The following CD72 variants were observed in gnomAD, a reference collection of about 807,000 sequenced individuals.
CD72 encodes the protein CD72 molecule.
In CD72, 28 loss-of-function variants were observed where a neutral mutation model predicts 50.7. The ratio of observed to expected loss-of-function variants is 0.55; its 90% CI spans 0.41 to 0.76. The LOEUF is 0.76. Ranked by LOEUF, CD72 falls within the 30% of genes least tolerant of loss-of-function variation. The pLI is 0.00. For missense variants in CD72, 403 were observed against 420.6 expected (o/e 0.96, Z 0.37); for synonymous variants, 176 against 171.2 (o/e 1.03, Z -0.22).
At position 35,613,397 on chromosome 9, in the gene CD72, A is replaced by G. The variant is rs141870465; in HGVS notation, c.689-404T>C. The stretch of plus-strand genomic sequence containing the variant: ...CTCTCCAATTTCCTACAAGCAGAAA[A>G]TGTTGTGTACTGTTTTGCAGAAACT... On this transcript the variant is annotated intron_variant, in intron 5 of 8. Coordinates refer to ENST00000259633, the MANE Select transcript of CD72 (RefSeq NM_001782.3). 7.4e-4 allele frequency among the ~76,000 whole-genome samples: 112 copies of G among 152,140 alleles called. 1 individual carries two copies. Among genetic ancestry groups the G allele is most frequent in the African/African-American group, 2.6e-3 (106 of 41,510 alleles).
At chr9:35,610,888 C>G (rs1408255201) in intron 7 of CD72, 135 bp from the exon 8 acceptor site, 1 of 612,672 alleles carries the variant, frequency 1.6e-6, no homozygotes, top group African/African-American at 1.9e-5. Flanking sequence ...TGGTTCAGGA[C>G]AGATGTCTGG....
chr9:35,620,558 T>G (rs939712696), upstream of CD72, among the ~76,000 whole-genome samples: 3 of 151,890 alleles, frequency 2.0e-5, no homozygotes, highest in Admixed American at 6.6e-5. Context: ...CTGGCCGGCA[T>G]GGTGGCTCAC....
At chr9:35,619,759 A>C (rs894124540), upstream of CD72, among the ~76,000 whole-genome samples, 10 of 152,150 alleles carry the variant, frequency 6.6e-5, no homozygotes, top group African/African-American at 2.4e-4. Flanking sequence ...TGCCTGGAGG[A>C]GGAAGCCTTC....
chr9:35,635,897 A>T (rs753842602), intron 1 of CD72, among the ~76,000 whole-genome samples: 55 of 152,300 alleles, frequency 3.6e-4, no homozygotes, highest in Middle Eastern at 6.8e-3. Flanking sequence ...GGAGAACCTC[A>T]CTAGAGTTTC....
chr9:35,644,232 A>G (rs1035085735), intron 1 of CD72, among the ~76,000 whole-genome samples: 2 of 151,006 alleles, frequency 1.3e-5, no homozygotes, highest in African/African-American at 4.9e-5. Context: ...TGTAGTCCCA[A>G]CTACTCTGGA....
At position 35,616,008 on chromosome 9, in the gene CD72, G is replaced by T. The variant is rs1189634401; in HGVS notation, c.623C>A (p.Ala208Asp). The T allele has an allele frequency of 1.2e-6, 2 of 1,613,746 alleles. No individual in the cohort carries two copies. The highest frequency in any genetic ancestry group is 1.7e-5 in the Admixed American group (1 of 59,972). ...TLQSEEQQRR[A>D]LEQKLSNMEN... ...CATGTTGCTCAGCTTCTGCTCCAAGGCCCTCCTCTGTTGCTCCTCACTTTG... is the reference window on the plus strand; with the variant it reads ...CATGTTGCTCAGCTTCTGCTCCAAGTCCCTCCTCTGTTGCTCCTCACTTTG... The change falls in exon 5 of 9, where the codon GCC becomes GAC. Residue 208 changes from alanine to aspartate, a missense_variant. Physicochemically the swap from Ala to Asp is moderately radical, Grantham distance 126. Transcript: ENST00000259633.
intron 1 of CD72, among the ~76,000 whole-genome samples, chr9:35,637,276 G>A (rs1455586670): frequency 6.6e-6 from 1 of 152,222 alleles, no homozygotes; most frequent in Non-Finnish European, 1.5e-5. Context: ...GCACCCAGGT[G>A]AAATAAACAG....
chr9:35,638,424 AC>A (rs1313558757), intron 1 of CD72, among the ~76,000 whole-genome samples: 1 of 151,064 alleles, frequency 6.6e-6, no homozygotes, highest in Non-Finnish European at 1.5e-5. Context: ...CCCTCCTCAC[AC>A]CCAGTCTGGC....
rs1311146481 is a variant in CD72, at chr9:35,612,851, T to A, written c.831A>T (p.Gln277His). ...KLATFSEIYP[Q>H]SHSYYFLNSL... is the part of the protein sequence containing the mutation. ...CTGTGAGTAAGGATATGCTTACTGA[T>A]TGTGGATAAATTTCACTGAATGTGG... Residue 277 changes from glutamine to histidine, a missense_variant, in exon 6 of 9, where the codon CAA becomes CAT. Gln to His is a conservative substitution (Grantham distance 24, BLOSUM62 0). Coordinates refer to ENST00000259633, the MANE Select transcript of CD72 (RefSeq NM_001782.3). The A allele has an allele frequency of 1.2e-6, 2 of 1,614,170 alleles. No homozygotes were observed. Among genetic ancestry groups the A allele is most frequent in the South Asian group, 2.2e-5 (2 of 91,084 alleles).
At chr9:35,636,152 T>C (rs1444119903) in intron 1 of CD72, among the ~76,000 whole-genome samples, 1 of 152,150 alleles carries the variant, frequency 6.6e-6, no homozygotes, top group Non-Finnish European at 1.5e-5. Context: ...CTGAGTTTTG[T>C]AGGTTGTTTA....
rs760203922 is a variant in CD72 at position 35,611,835 on chromosome 9, A to G, written c.919T>C (p.Trp307Arg). 7 of 1,611,614 alleles carry G rather than the reference A, an allele frequency of 4.3e-6. No homozygotes were observed. In the South Asian group the frequency reaches 7.7e-5, roughly 18 times the overall value. The change falls in exon 7 of 9, where the codon TGG (tryptophan) becomes CGG (arginine). Residue 307 changes from tryptophan (W) to arginine (R), a missense_variant. Coordinates refer to ENST00000259633, the MANE Select transcript of CD72 (RefSeq NM_001782.3). ...YWTGLSSNKD[W>R]KLTDDTQRTR... ...CGTTGTGTATCATCAGTCAACTTCCAATCCTTGTTAGAGCTGAGGCCAGTC... is the reference window on the plus strand; with the variant it reads ...CGTTGTGTATCATCAGTCAACTTCCGATCCTTGTTAGAGCTGAGGCCAGTC...
intron 1 of CD72, chr9:35,643,015 T>A (rs1823353115): frequency 6.6e-6 from 1 of 152,272 alleles, no homozygotes; most frequent in African/African-American, 2.4e-5. Context: ...TACTCGCCTC[T>A]GCTGTAAGAC....
chr9:35,626,327 T>G (rs1007661139), intron 1 of CD72, among the ~76,000 whole-genome samples: 1 of 152,180 alleles, frequency 6.6e-6, no homozygotes, highest in South Asian at 2.1e-4. Flanking sequence ...AGTCTGAAGA[T>G]GTGACTGAAT....
rs1384656677 is a variant in CD72 at position 35,616,466 on chromosome 9, G to A, written c.352+134C>T. The A allele has an allele frequency of 1.5e-5, 13 of 887,152 alleles. No individual in the cohort carries two copies. The Admixed American group carries it at 2.6e-4, about 18-fold the overall frequency. 55.0% of individuals were successfully genotyped at this position (887,152 alleles called of 1,614,324 possible). ...GACAATTCAGGAAGACAACAGCCCTGGCTGGAAACCAAACCCAAAGCTAAG... is the reference window on the plus strand; with the variant it reads ...GACAATTCAGGAAGACAACAGCCCTAGCTGGAAACCAAACCCAAAGCTAAG... On this transcript the variant is annotated intron_variant, in intron 4 of 8. Coordinates refer to ENST00000259633, the MANE Select transcript of CD72 (RefSeq NM_001782.3).
intron 1 of CD72, chr9:35,642,733 G>A (rs1364246824): frequency 1.3e-5 from 2 of 152,130 alleles, no homozygotes; most frequent in Admixed American, 1.3e-4. Flanking sequence ...TCCTTAATTA[G>A]TGTATATAAT....
At chr9:35,644,350 C>CA (rs74176726) in intron 1 of CD72, among the ~76,000 whole-genome samples, 17,500 of 68,194 alleles carry the variant, frequency 0.26, 2,969 homozygotes, top group Non-Finnish European at 0.32. Flanking sequence ...AACTCTGTCT[C>CA]AAAAAAAAAA....
chr9:35,621,283 T>G (rs1321957275), upstream of CD72, among the ~76,000 whole-genome samples: 2 of 152,088 alleles, frequency 1.3e-5, no homozygotes, highest in Non-Finnish European at 2.9e-5. Context: ...CCACTACTCA[T>G]TACAGGGAAT....
intron 1 of CD72, among the ~76,000 whole-genome samples, chr9:35,642,343 T>C (rs1265992058): frequency 1.3e-5 from 2 of 152,218 alleles, no homozygotes; most frequent in Non-Finnish European, 2.9e-5. Context: ...TAAATGGTTG[T>C]CTGACAGCCA....
intron 1 of CD72, among the ~76,000 whole-genome samples, chr9:35,633,520 C>A (rs531200353): frequency 6.6e-6 from 1 of 151,892 alleles, no homozygotes; most frequent in South Asian, 2.1e-4. Context: ...TTTTTAAAAA[C>A]CAGTTTTATT....
Sources: allele counts gnomAD v4.1 joint callset (sites outside exome capture counted in the v4.1 genomes callset), GRCh38; gene constraint gnomAD v4.1.1; transcripts MANE v1.5; gene names NCBI Gene and HGNC (gene_info 2026-07-23, HGNC 2026-07-21).